GPHN: variants seen among roughly 807,000 people sequenced by gnomAD.
GPHN encodes gephyrin.
GPHN carries 17 observed loss-of-function variants against 95.5 expected under a neutral mutation model. The ratio of observed to expected loss-of-function variants is 0.18; its 90% CI spans 0.12 to 0.27. The LOEUF (loss-of-function observed/expected upper bound fraction) is 0.27, where lower values mean the gene tolerates loss of function less well. Among genes scored for constraint, GPHN ranks in the 10% least tolerant of loss-of-function variants. The pLI is 1.00. For missense variants in GPHN, 660 were observed against 978.1 expected, an observed-to-expected ratio of 0.67 and a Z score of 4.34; for synonymous variants, 320 against 322.5, an observed-to-expected ratio of 0.99 and a Z score of 0.08.
chr14:67,083,064 A>G (rs955117228), intron 11 of GPHN, among the ~76,000 whole-genome samples: 3 of 152,254 alleles, frequency 2.0e-5, no homozygotes, highest in Admixed American at 2.0e-4. Flanking sequence ...CAGGATAGAA[A>G]AAGACATTTT....
chr14:67,117,827 G>C (rs1432836676), intron 16 of GPHN, among the ~76,000 whole-genome samples: 1 of 152,098 alleles, frequency 6.6e-6, no homozygotes, highest in African/African-American at 2.4e-5. Flanking sequence ...CAAAACAAGG[G>C]CTGGAGTTAA....
At chr14:67,604,924 C>T in the GPHN span, among the ~76,000 whole-genome samples, 6 of 152,220 alleles carry the variant, frequency 3.9e-5, no homozygotes, top group South Asian at 2.1e-4. Flanking sequence ...CCACAAATTT[C>T]TCGGTCTATT....
intron 10 of GPHN, among the ~76,000 whole-genome samples, chr14:67,031,036 GTTTT>G (rs1399187326): frequency 7.0e-6 from 1 of 143,816 alleles, no homozygotes; most frequent in Admixed American, 7.0e-5. Context: ...TTGTTTGTTT[GTTTT>G]AACTGCTCCT....
chr14:67,522,225 G>C, the GPHN span, among the ~76,000 whole-genome samples: 4 of 152,138 alleles, frequency 2.6e-5, no homozygotes, highest in Admixed American at 2.6e-4. Flanking sequence ...TTGTGCGGGA[G>C]AGCCCCATTC....
chr14:66,843,723 G>T (rs2153510083), intron 4 of GPHN, among the ~76,000 whole-genome samples: 1 of 152,146 alleles, frequency 6.6e-6, no homozygotes, highest in Non-Finnish European at 1.5e-5. Context: ...AAAATGCTTT[G>T]CTATCTAACA....
the GPHN span, chr14:67,350,520 T>G: frequency 1.7e-6 from 2 of 1,157,174 alleles, no homozygotes; most frequent in Non-Finnish European, 2.5e-6. Context: ...TCCTTAACGC[T>G]TATTTCTAAA....
At chr14:66,833,380 A>G (rs556008307) in intron 4 of GPHN, among the ~76,000 whole-genome samples, 3 of 152,276 alleles carry the variant, frequency 2.0e-5, no homozygotes, top group South Asian at 2.1e-4. Flanking sequence ...TTAAATTATT[A>G]GTACCTCCCA....
At chr14:67,582,236 G>T in the GPHN span, 2 of 1,613,282 alleles carry the variant, frequency 1.2e-6, no homozygotes, top group East Asian at 2.2e-5. This position sits in a 1 kb window ranked among gnomAD's most constrained non-coding sequence, Gnocchi z 5.0. Context: ...GGAAGCAGGA[G>T]GGTCGGGTTG....
At chr14:67,097,377 G>A (rs879909583) in intron 12 of GPHN, among the ~76,000 whole-genome samples, 1 of 152,198 alleles carries the variant, frequency 6.6e-6, no homozygotes, top group Non-Finnish European at 1.5e-5. Flanking sequence ...TATTCTCAGG[G>A]ATAGTACTAG....
At chr14:67,197,783 A>C in the GPHN span, among the ~76,000 whole-genome samples, 1 of 152,134 alleles carries the variant, frequency 6.6e-6, no homozygotes, top group Admixed American at 6.5e-5. Context: ...ATATATTGAG[A>C]GACCTCCTAG....
At chr14:67,128,391 A>G (rs2079472342) in intron 17 of GPHN, among the ~76,000 whole-genome samples, 1 of 151,732 alleles carries the variant, frequency 6.6e-6, no homozygotes, top group Admixed American at 6.6e-5. Flanking sequence ...CGAGTAGCTG[A>G]GACGACAGAC....
intron 6 of GPHN, among the ~76,000 whole-genome samples, chr14:66,919,583 A>G (rs2066096647): frequency 6.6e-6 from 1 of 152,204 alleles, no homozygotes; most frequent in African/African-American, 2.4e-5. Flanking sequence ...GTCTAGCAGT[A>G]AACACAGAGT....
At chr14:67,492,605 G>T in the GPHN span, among the ~76,000 whole-genome samples, 2 of 152,182 alleles carry the variant, frequency 1.3e-5, no homozygotes, top group Non-Finnish European at 2.9e-5. Flanking sequence ...GCCTCACCAG[G>T]GAGGCAGAAA....
intron 2 of GPHN, among the ~76,000 whole-genome samples, chr14:66,766,581 C>T (rs1181328574): frequency 6.6e-6 from 1 of 151,912 alleles, no homozygotes; most frequent in Non-Finnish European, 1.5e-5. Context: ...ACCTAAGATA[C>T]GTATGGCACA....
intron 17 of GPHN, among the ~76,000 whole-genome samples, chr14:67,133,181 TATG>T (rs2079834089): frequency 8.0e-6 from 1 of 124,912 alleles, no homozygotes; most frequent in Non-Finnish European, 1.5e-5. Context: ...GAAACTATGA[TATG>T]ATAATAGATG....
the GPHN span, chr14:67,312,719 C>A: frequency 1.3e-6 from 2 of 1,569,716 alleles, no homozygotes; most frequent in African/African-American, 1.4e-5. Context: ...AGGTAAGACA[C>A]AATATGGTAG....
intron 10 of GPHN, among the ~76,000 whole-genome samples, chr14:67,025,580 C>A (rs544795556): frequency 1.1e-4 from 16 of 152,262 alleles, no homozygotes; most frequent in African/African-American, 3.9e-4. Flanking sequence ...TTGCAAACAA[C>A]TAATGAGCTA....
chr14:67,358,181 T>G, the GPHN span, among the ~76,000 whole-genome samples: 6 of 152,158 alleles, frequency 3.9e-5, no homozygotes, highest in Non-Finnish European at 8.8e-5. Context: ...TGTCTTTCAG[T>G]GCAGAAGTTT....
intron 11 of GPHN, among the ~76,000 whole-genome samples, chr14:67,065,528 G>A (rs2076012398): frequency 6.6e-6 from 1 of 152,104 alleles, no homozygotes; most frequent in South Asian, 2.1e-4. Context: ...TGACAGTGGG[G>A]TGTTAAAGTC....
Sources: gnomAD v4.1 joint callset for allele counts (sites outside exome capture counted in the v4.1 genomes callset) on GRCh38, gnomAD v4.1.1 for gene constraint, Gnocchi (gnomAD v3.1) non-coding constraint, MANE v1.5 for transcripts, NCBI Gene and HGNC (gene_info 2026-07-23, HGNC 2026-07-21) for gene names.